PLCL2: variants seen among roughly 807,000 people sequenced by gnomAD.
The protein encoded by PLCL2 is phospholipase C like 2.
Under a neutral mutation model 79.6 loss-of-function variants are expected in PLCL2, and 4 were observed. The ratio of observed to expected loss-of-function variants is 0.05; its 90% CI spans 0.02 to 0.11. The LOEUF (loss-of-function observed/expected upper bound fraction) is 0.11, where lower values mean the gene tolerates loss of function less well. Ranked by LOEUF, PLCL2 falls within the 10% of genes least tolerant of loss-of-function variation. PLCL2 has a pLI of 1.00. For missense variants in PLCL2, 895 were observed against 1,291.0 expected (o/e 0.69, Z 4.70); for synonymous variants, 484 against 457.7 (o/e 1.06, Z -0.73).
intron 1 of PLCL2, among the ~76,000 whole-genome samples, chr3:16,967,167 T>C (rs1271423974): frequency 6.6e-6 from 1 of 152,162 alleles, no homozygotes; most frequent in Non-Finnish European, 1.5e-5. Flanking sequence ...CATTCTACTG[T>C]TGATGGGTAT....
intron 3 of PLCL2, among the ~76,000 whole-genome samples, chr3:17,021,993 A>T (rs2124900538): frequency 6.6e-6 from 1 of 152,264 alleles, no homozygotes; most frequent in East Asian, 1.9e-4. Flanking sequence ...GGTAGATTTC[A>T]TTTGAGCCAT....
intron 1 of PLCL2, among the ~76,000 whole-genome samples, chr3:16,948,241 T>C (rs1057037328): frequency 6.6e-6 from 1 of 151,976 alleles, no homozygotes; most frequent in Non-Finnish European, 1.5e-5. Context: ...AACATTATGC[T>C]AAGTAAAAGA....
chr3:16,905,620 C>CA (rs1209957888), intron 1 of PLCL2, among the ~76,000 whole-genome samples: 1 of 151,920 alleles, frequency 6.6e-6, no homozygotes, highest in Non-Finnish European at 1.5e-5. Flanking sequence ...AATTGTATAC[C>CA]AAAAAATTAA....
chr3:16,929,062 CT>C (rs150371200), intron 1 of PLCL2, among the ~76,000 whole-genome samples: 27 of 322 alleles, frequency 0.084, no homozygotes, highest in African/African-American at 0.26. Context: ...TGAGTGCTGG[CT>C]TTGAACGTAC....
chr3:16,996,922 A>C (rs971867350), intron 1 of PLCL2, among the ~76,000 whole-genome samples: 6 of 152,208 alleles, frequency 3.9e-5, no homozygotes, highest in African/African-American at 7.2e-5. Context: ...CTTTGTCTTC[A>C]TACTATTTTA....
chr3:17,056,154 T>C (rs2064890140), intron 4 of PLCL2, among the ~76,000 whole-genome samples: 1 of 152,156 alleles, frequency 6.6e-6, no homozygotes, highest in African/African-American at 2.4e-5. Flanking sequence ...GGGTCACGAG[T>C]AACTCTCAGG....
At chr3:16,957,754 T>C (rs1170065802) in intron 1 of PLCL2, among the ~76,000 whole-genome samples, 1 of 152,200 alleles carries the variant, frequency 6.6e-6, no homozygotes, top group African/African-American at 2.4e-5. Flanking sequence ...TAGCTCTTCT[T>C]GTTGAATTGA....
At chr3:16,897,799 C>T (rs904857602) in intron 1 of PLCL2, among the ~76,000 whole-genome samples, 4 of 152,108 alleles carry the variant, frequency 2.6e-5, no homozygotes, top group Admixed American at 2.6e-4. Context: ...CTGACCTTCG[C>T]GGTAAAGAGG....
chr3:16,997,077 AAC>A (rs1160773780), intron 1 of PLCL2, among the ~76,000 whole-genome samples: 21 of 152,182 alleles, frequency 1.4e-4, no homozygotes, highest in African/African-American at 4.8e-4. Flanking sequence ...ACCTTACATA[AAC>A]AGTTATTTTG....
At chr3:16,895,796 C>G (rs981926823) in intron 1 of PLCL2, among the ~76,000 whole-genome samples, 1 of 152,156 alleles carries the variant, frequency 6.6e-6, no homozygotes, top group Non-Finnish European at 1.5e-5. Context: ...GATGACTGCC[C>G]TATGCACTGC....
intron 1 of PLCL2, among the ~76,000 whole-genome samples, chr3:17,000,602 A>G (rs1175118677): frequency 6.6e-6 from 1 of 151,912 alleles, no homozygotes; most frequent in African/African-American, 2.4e-5. Flanking sequence ...TGCCCTTCCC[A>G]AGCCTCTGAT....
intron 1 of PLCL2, among the ~76,000 whole-genome samples, chr3:16,889,651 A>C (rs541590338): frequency 3.3e-5 from 5 of 152,334 alleles, no homozygotes; most frequent in African/African-American, 1.2e-4. Context: ...ATGTCTTGAC[A>C]CTGAGCTCTC....
At chr3:16,942,302 T>C (rs574458237) in intron 1 of PLCL2, among the ~76,000 whole-genome samples, 22 of 152,356 alleles carry the variant, frequency 1.4e-4, no homozygotes, top group Non-Finnish European at 3.1e-4. Flanking sequence ...AGCTCTTTTT[T>C]ATTTGTTTAG....
chr3:17,051,220 C>T (rs1050487507), intron 4 of PLCL2, among the ~76,000 whole-genome samples: 7 of 151,980 alleles, frequency 4.6e-5, no homozygotes, highest in Non-Finnish European at 5.9e-5. Context: ...TTAGGAAGAA[C>T]GAGTAAGACC....
At chr3:17,051,291 A>G (rs1207442891) in intron 4 of PLCL2, among the ~76,000 whole-genome samples, 1 of 152,140 alleles carries the variant, frequency 6.6e-6, no homozygotes. Flanking sequence ...TACATTTTAA[A>G]ACAATGAAGA....
At chr3:17,038,823 C>T (rs922219338) in intron 3 of PLCL2, among the ~76,000 whole-genome samples, 5 of 152,128 alleles carry the variant, frequency 3.3e-5, no homozygotes, top group African/African-American at 9.7e-5. Flanking sequence ...CGGATTGAAA[C>T]GGCCTTTCCT....
intron 1 of PLCL2, among the ~76,000 whole-genome samples, chr3:16,965,112 T>C (rs549197224): frequency 2.0e-4 from 31 of 152,246 alleles, no homozygotes; most frequent in Middle Eastern, 3.4e-3. Context: ...ATGTCCTGAA[T>C]GGTATTGCCC....
At chr3:16,901,883 G>C (rs897334760) in intron 1 of PLCL2, among the ~76,000 whole-genome samples, 2 of 152,040 alleles carry the variant, frequency 1.3e-5, no homozygotes, top group African/African-American at 4.8e-5. Flanking sequence ...CCTCCACCCT[G>C]CCCCGCTTGT....
intron 1 of PLCL2, among the ~76,000 whole-genome samples, chr3:16,957,821 A>G (rs1326434489): frequency 6.6e-6 from 1 of 152,076 alleles, no homozygotes; most frequent in African/African-American, 2.4e-5. Context: ...GTTGGTTTAA[A>G]GTCTGTTTTA....
Sources: allele counts gnomAD v4.1 joint callset (sites outside exome capture counted in the v4.1 genomes callset), GRCh38; gene constraint gnomAD v4.1.1; transcripts MANE v1.5; gene names NCBI Gene and HGNC (gene_info 2026-07-23, HGNC 2026-07-21).